Variants in DPP6 observed in about 807,000 individuals in gnomAD.
DPP6 encodes the protein dipeptidyl peptidase like 6.
DPP6 carries 69 observed loss-of-function variants against 122.6 expected under a neutral mutation model. That is an observed-to-expected ratio of 0.56 (90% confidence interval 0.46 to 0.69). The LOEUF (loss-of-function observed/expected upper bound fraction) is 0.69, where lower values mean the gene tolerates loss of function less well. DPP6 is among the 30% of genes least tolerant of loss of function. The probability of loss-of-function intolerance (pLI) is 0.00; values close to 1 mark genes in which losing one functional copy is unlikely to be tolerated. For missense variants in DPP6, 928 were observed against 1,116.9 expected, an observed-to-expected ratio of 0.83 and a Z score of 2.41; for synonymous variants, 418 against 433.1, an observed-to-expected ratio of 0.97 and a Z score of 0.43.
At chr7:154,811,576 G>A (rs1799063877) in intron 16 of DPP6, among the ~76,000 whole-genome samples, 2 of 152,188 alleles carry the variant, frequency 1.3e-5, no homozygotes, top group East Asian at 3.8e-4. Context: ...CTGAGAAAAA[G>A]CACAAGAAAT....
intron 7 of DPP6, among the ~76,000 whole-genome samples, chr7:154,723,816 AC>A (rs1841937725): frequency 6.6e-6 from 1 of 152,204 alleles, no homozygotes; most frequent in Non-Finnish European, 1.5e-5. Context: ...CTAAAAGAAA[AC>A]AGCTGGTTTG....
At chr7:154,765,572 A>G (rs1795841874) in intron 8 of DPP6, among the ~76,000 whole-genome samples, 1 of 152,182 alleles carries the variant, frequency 6.6e-6, no homozygotes, top group Non-Finnish European at 1.5e-5. Context: ...CACTCCAGAT[A>G]ATGGCACTGG....
At chr7:154,289,986 G>A (rs928695531) in intron 1 of DPP6, among the ~76,000 whole-genome samples, 11 of 152,124 alleles carry the variant, frequency 7.2e-5, no homozygotes, top group African/African-American at 2.7e-4. Flanking sequence ...ATGACCAGAT[G>A]GGCGAGGATG....
chr7:154,222,009 A>G (rs574293858), intron 1 of DPP6, among the ~76,000 whole-genome samples: 46 of 152,262 alleles, frequency 3.0e-4, no homozygotes, highest in Non-Finnish European at 5.6e-4. Flanking sequence ...ATGGGGATAG[A>G]ACATCTTTTC....
chr7:154,066,592 G>A (rs1211474946), intron 1 of DPP6, among the ~76,000 whole-genome samples: 1 of 152,132 alleles, frequency 6.6e-6, no homozygotes, highest in Non-Finnish European at 1.5e-5. Context: ...GGGCTCCTGA[G>A]CAGGACCTTC....
chr7:154,816,611 A>G (rs10276379), intron 16 of DPP6, among the ~76,000 whole-genome samples: 2,079 of 59,156 alleles, frequency 0.035, 44 homozygotes, highest in African/African-American at 0.086. Flanking sequence ...ATAAGTGTTA[A>G]CTATCATAAT....
intron 1 of DPP6, among the ~76,000 whole-genome samples, chr7:154,229,471 A>G (rs900692256): frequency 6.6e-6 from 1 of 152,308 alleles, no homozygotes; most frequent in Middle Eastern, 3.4e-3. Context: ...TGAGATAGCT[A>G]TAGTGTTGGC....
At chr7:154,165,554 T>C (rs1797204933) in intron 1 of DPP6, among the ~76,000 whole-genome samples, 1 of 151,474 alleles carries the variant, frequency 6.6e-6, no homozygotes, top group Non-Finnish European at 1.5e-5. Flanking sequence ...ATGGTATTTC[T>C]AGTTCTAGAT....
intron 13 of DPP6, among the ~76,000 whole-genome samples, chr7:154,802,247 A>G (rs1434664024): frequency 2.6e-5 from 4 of 152,204 alleles, no homozygotes; most frequent in African/African-American, 4.8e-5. Flanking sequence ...TTCTATGGCT[A>G]TGACATAGAA....
the DPP6 span, among the ~76,000 whole-genome samples, chr7:153,809,484 C>G: frequency 1.3e-5 from 2 of 152,170 alleles, no homozygotes; most frequent in African/African-American, 4.8e-5. Context: ...TTCCCGCAAG[C>G]AGTTCGTAGT....
At chr7:154,650,849 G>A (rs528374324) in intron 6 of DPP6, among the ~76,000 whole-genome samples, 13 of 152,274 alleles carry the variant, frequency 8.5e-5, no homozygotes, top group Admixed American at 2.0e-4. Context: ...GATGAAGGCC[G>A]TCCTACCTAG....
intron 1 of DPP6, among the ~76,000 whole-genome samples, chr7:154,217,575 T>C (rs908029615): frequency 1.3e-5 from 2 of 152,206 alleles, no homozygotes; most frequent in Non-Finnish European, 2.9e-5. Context: ...AATAAAAGCC[T>C]ATGAGCTATC....
At position 154,628,754 on chromosome 7, in the gene DPP6, A is replaced by G. The variant is rs1287327382; in HGVS notation, c.628-9067A>G. Reference sequence around the variant, plus strand: ...TGATAATTAGCCCTTCCACAAAGCGAGTCCCCAGGGGCTTCCTGGAAGCAC... The same window carrying G: ...TGATAATTAGCCCTTCCACAAAGCGGGTCCCCAGGGGCTTCCTGGAAGCAC... On this transcript the variant is annotated intron_variant, in intron 5 of 25. Coordinates refer to ENST00000377770, the MANE Select transcript of DPP6 (RefSeq NM_130797.4). 5.3e-5 allele frequency among the ~76,000 whole-genome samples: 8 copies of G among 152,314 alleles called. No homozygotes were observed. The East Asian group carries it at 1.5e-3, about 29-fold the overall frequency.
At chr7:154,754,772 T>C (rs1406633938) in intron 8 of DPP6, among the ~76,000 whole-genome samples, 1 of 152,154 alleles carries the variant, frequency 6.6e-6, no homozygotes, top group African/African-American at 2.4e-5. Context: ...GTGGCACATA[T>C]ACACCATGGA....
chr7:154,126,531 A>G (rs1345297006), intron 1 of DPP6, among the ~76,000 whole-genome samples: 4 of 151,608 alleles, frequency 2.6e-5, no homozygotes, highest in African/African-American at 9.7e-5. Flanking sequence ...CCCTCTTGGT[A>G]GATCAGCTAA....
chr7:153,851,047 T>C, the DPP6 span, among the ~76,000 whole-genome samples: 1 of 152,228 alleles, frequency 6.6e-6, no homozygotes, highest in East Asian at 1.9e-4. Context: ...GGTTATTTAC[T>C]TGTTAACATT....
At chr7:154,494,319 G>A (rs1271350812) in intron 3 of DPP6, among the ~76,000 whole-genome samples, 2 of 151,294 alleles carry the variant, frequency 1.3e-5, no homozygotes, top group African/African-American at 4.8e-5. Flanking sequence ...TCGCACCACT[G>A]CACTCCACCC....
chr7:154,133,269 C>T (rs1448354132), intron 1 of DPP6, among the ~76,000 whole-genome samples: 2 of 152,134 alleles, frequency 1.3e-5, no homozygotes, highest in African/African-American at 4.8e-5. Context: ...TCCGTGTCAC[C>T]CTTTGCATTG....
rs1563460487 is a variant in DPP6 at position 154,313,715 on chromosome 7, A to ATATG, written c.244-132499_244-132498insTATG. Among the ~76,000 whole-genome samples the ATATG allele has an allele frequency of 1.4e-4, 5 of 35,804 alleles. 1 individual carries two copies. The highest frequency in any genetic ancestry group is 6.0e-4 in the Admixed American group (2 of 3,310). The allele number at this position is 35,804 out of a possible 152,430, so 23.5% of individuals were successfully genotyped here. On this transcript the variant is annotated intron_variant, in intron 1 of 25. Transcript: ENST00000377770. Reference sequence around the variant, plus strand: ...TATATATATATATATATATATATATACACACACACGCACGCACACACACAC... The same window carrying ATATG: ...TATATATATATATATATATATATATATATGCACACACACGCACGCACACACACAC...
Sources: gnomAD v4.1 joint callset for allele counts (sites outside exome capture counted in the v4.1 genomes callset) on GRCh38, gnomAD v4.1.1 for gene constraint, MANE v1.5 for transcripts, NCBI Gene and HGNC (gene_info 2026-07-23, HGNC 2026-07-21) for gene names.